Variants in B4GALT6 observed in about 807,000 individuals in gnomAD.
B4GALT6 encodes beta-1,4-galactosyltransferase 6.
Under a neutral mutation model 46.3 loss-of-function variants are expected in B4GALT6, and 14 were observed. That is an observed-to-expected ratio of 0.30 (90% CI 0.20 to 0.47). The LOEUF is 0.47. B4GALT6 is among the 20% of genes least tolerant of loss of function. B4GALT6 has a pLI of 0.99. For synonymous variants in B4GALT6, 168 were observed against 162.0 expected, an observed-to-expected ratio of 1.04 and a Z score of -0.28; for missense variants, 386 against 480.1, an observed-to-expected ratio of 0.80 and a Z score of 1.83.
chr18:31,713,049 C>A, the B4GALT6 span, among the ~76,000 whole-genome samples: 1 of 152,282 alleles, frequency 6.6e-6, no homozygotes, highest in Non-Finnish European at 1.5e-5. Context: ...ACATTCTTAT[C>A]TAAATATAAA....
At chr18:31,657,461 AAT>A (rs1054955232) in intron 3 of B4GALT6, among the ~76,000 whole-genome samples, 1 of 152,230 alleles carries the variant, frequency 6.6e-6, no homozygotes, top group African/African-American at 2.4e-5. Context: ...CCTTTGAAAC[AAT>A]ATCTATTTTC....
intron 3 of B4GALT6, among the ~76,000 whole-genome samples, chr18:31,653,528 C>T (rs1289424388): frequency 6.7e-6 from 1 of 149,470 alleles, no homozygotes; most frequent in African/African-American, 2.5e-5. Context: ...CTGCAACCTC[C>T]GCCTCCAAGG....
intron 3 of B4GALT6, among the ~76,000 whole-genome samples, chr18:31,650,864 G>A (rs1320476014): frequency 6.6e-6 from 1 of 152,060 alleles, no homozygotes; most frequent in Admixed American, 6.5e-5. Flanking sequence ...CGCCTCCCGG[G>A]TTCACACCAT....
intron 2 of B4GALT6, among the ~76,000 whole-genome samples, chr18:31,661,960 A>C (rs1393345415): frequency 6.6e-6 from 1 of 152,224 alleles, no homozygotes; most frequent in Non-Finnish European, 1.5e-5. Flanking sequence ...TCCTTCTCTT[A>C]GCCACATGCT....
the B4GALT6 span, among the ~76,000 whole-genome samples, chr18:31,724,024 C>T: frequency 7.3e-5 from 11 of 150,916 alleles, no homozygotes; most frequent in African/African-American, 2.4e-4. Flanking sequence ...CAAATTCTTC[C>T]TCGCAGAGGG....
Position 31,641,797 on chromosome 18 carries a change from T to C in B4GALT6, c.472-3037A>G, listed in dbSNP as rs961093694. Among the ~76,000 whole-genome samples the C allele has an allele frequency of 2.6e-5, 4 of 152,236 alleles. No individual in the cohort carries two copies. The East Asian group carries it at 7.7e-4, about 29-fold the overall frequency. ...AAAACCACAAATCTTGCTGAACATA[T>C]GCACCATTTTTTCCCTTGCTTATTT... On this transcript the variant is annotated intron_variant, in intron 4 of 8. Transcript: ENST00000306851.
chr18:31,680,560 C>T (rs1465874357), intron 1 of B4GALT6, among the ~76,000 whole-genome samples: 3 of 152,172 alleles, frequency 2.0e-5, no homozygotes, highest in Non-Finnish European at 4.4e-5. Context: ...TTCACCTCTA[C>T]CCAGAGAGCA....
At chr18:31,717,539 T>C in the B4GALT6 span, among the ~76,000 whole-genome samples, 1 of 152,190 alleles carries the variant, frequency 6.6e-6, no homozygotes, top group African/African-American at 2.4e-5. Flanking sequence ...AAAATTACAA[T>C]ATATTCATAC....
intron 2 of B4GALT6, 171 bp from the exon 3 acceptor site, chr18:31,658,260 G>A: frequency 3.7e-6 from 2 of 535,570 alleles, no homozygotes; most frequent in Non-Finnish European, 6.6e-6. Flanking sequence ...GCGGGGAACA[G>A]ACCTCTCAGC....
chr18:31,633,703 C>T (rs560235862), intron 5 of B4GALT6, among the ~76,000 whole-genome samples: 2 of 152,288 alleles, frequency 1.3e-5, no homozygotes, highest in South Asian at 4.1e-4. Flanking sequence ...TATTCTCCTG[C>T]CTTCTCCAGA....
At chr18:31,699,087 A>G in the B4GALT6 span, among the ~76,000 whole-genome samples, 1 of 151,890 alleles carries the variant, frequency 6.6e-6, no homozygotes, top group Non-Finnish European at 1.5e-5. Flanking sequence ...CTCAAAAAAA[A>G]AAAAAAAGAA....
the B4GALT6 span, among the ~76,000 whole-genome samples, chr18:31,716,100 C>CTA: frequency 6.6e-6 from 1 of 152,138 alleles, no homozygotes; most frequent in Non-Finnish European, 1.5e-5. Flanking sequence ...ATTTATTGAA[C>CTA]TATTCAGTGC....
At chr18:31,645,223 TA>T in intron 4 of B4GALT6, 131 bp downstream of exon 4, 1 of 1,256,894 alleles carries the variant, frequency 8.0e-7, no homozygotes, top group Non-Finnish European at 1.1e-6. Context: ...TAGTAAACAT[TA>T]AAGACAAAAC....
intron 1 of B4GALT6, among the ~76,000 whole-genome samples, 154 bp downstream of exon 1, chr18:31,684,158 A>T (rs1233180477): frequency 1.3e-5 from 2 of 152,222 alleles, no homozygotes; most frequent in Admixed American, 1.3e-4. Flanking sequence ...CATGCCCTGA[A>T]GCAGTTTGAC....
chr18:31,645,442 A>G lies in B4GALT6; in HGVS notation c.384T>C (p.Phe128=). 1 of 1,613,490 alleles carries G rather than the reference A, an allele frequency of 6.2e-7. No homozygotes were observed. The highest frequency in any genetic ancestry group is 8.5e-7 in the Non-Finnish European group (1 of 1,179,838). Residue 128 remains phenylalanine (F), a synonymous_variant, in exon 4 of 9, where the codon TTT becomes TTC. Coordinates refer to ENST00000306851, the MANE Select transcript of B4GALT6 (RefSeq NM_004775.5). ...FLNVNVSEVS[F]DEIHQLFSKD... ...TGGAGAAGAGTTGATGAATTTCATC[A>G]AAACTGACTTCGCTTACATTGACAT...
the B4GALT6 span, among the ~76,000 whole-genome samples, chr18:31,699,780 T>C: frequency 6.6e-6 from 1 of 152,112 alleles, no homozygotes; most frequent in African/African-American, 2.4e-5. Flanking sequence ...ATGAGGTTAT[T>C]GTACATAAAG....
intron 1 of B4GALT6, among the ~76,000 whole-genome samples, chr18:31,681,360 C>A (rs1362653986): frequency 6.6e-6 from 1 of 152,198 alleles, no homozygotes; most frequent in African/African-American, 2.4e-5. Context: ...ATGGCTCTGG[C>A]CTCTAGGGGT....
At chr18:31,721,562 T>C in the B4GALT6 span, among the ~76,000 whole-genome samples, 1 of 152,216 alleles carries the variant, frequency 6.6e-6, no homozygotes, top group Non-Finnish European at 1.5e-5. Flanking sequence ...GTAGATGTGG[T>C]TAACATCTTT....
chr18:31,676,250 A>T (rs1315892527), intron 1 of B4GALT6, among the ~76,000 whole-genome samples: 1 of 152,162 alleles, frequency 6.6e-6, no homozygotes, highest in African/African-American at 2.4e-5. Context: ...CCTCAAATAT[A>T]TAAAAACAGG....
Sources: gnomAD v4.1 joint callset for allele counts (sites outside exome capture counted in the v4.1 genomes callset) on GRCh38, gnomAD v4.1.1 for gene constraint, MANE v1.5 for transcripts, NCBI Gene and HGNC (gene_info 2026-07-23, HGNC 2026-07-21) for gene names.